Variants in GALNT13 observed in about 807,000 individuals in gnomAD.
GALNT13 encodes polypeptide N-acetylgalactosaminyltransferase 13.
In GALNT13, 28 loss-of-function variants were observed where a neutral mutation model predicts 64.2. The ratio of observed to expected loss-of-function variants is 0.44; its 90% CI spans 0.32 to 0.60. GALNT13 has a LOEUF of 0.60. Among genes scored for constraint, GALNT13 ranks in the 20% least tolerant of loss-of-function variants. The pLI is 0.05. For synonymous variants in GALNT13, 214 were observed against 224.6 expected (o/e 0.95, Z 0.42); for missense variants, 577 against 669.8 (o/e 0.86, Z 1.53).
chr2:153,260,597 G>A, the GALNT13 span, among the ~76,000 whole-genome samples: 1 of 152,056 alleles, frequency 6.6e-6, no homozygotes, highest in Non-Finnish European at 1.5e-5. Flanking sequence ...TGTGTTATTT[G>A]TTTGTTTTTC....
chr2:154,311,350 T>A (rs1559083679), intron 9 of GALNT13, among the ~76,000 whole-genome samples: 1 of 152,080 alleles, frequency 6.6e-6, no homozygotes, highest in African/African-American at 2.4e-5. Flanking sequence ...AGAGAAATTT[T>A]AAAGCTGGGC....
chr2:154,064,491 G>A lies in GALNT13; in HGVS notation c.143-75846G>A, dbSNP rs575472679. ...GGCTTATTTCTTCTGCTTAAGGAGA[G>A]GAGAGGGAAGAGTAAAGAGTACTTT... On this transcript the variant is annotated intron_variant, in intron 3 of 12. Coordinates refer to ENST00000392825, the MANE Select transcript of GALNT13 (RefSeq NM_052917.4). Among the ~76,000 whole-genome samples, 91 of 152,116 alleles carry A rather than the reference G, an allele frequency of 6.0e-4. 2 individuals carry two copies. The highest frequency in any genetic ancestry group is 1.1e-3 in the Non-Finnish European group (77 of 68,022).
At chr2:153,876,154 A>T (rs1686352914) in intron 1 of GALNT13, among the ~76,000 whole-genome samples, 1 of 151,834 alleles carries the variant, frequency 6.6e-6, no homozygotes, top group Admixed American at 6.6e-5. Flanking sequence ...ACTCATATTT[A>T]TTCTGACAAC....
chr2:154,436,598 C>T (rs901029643), intron 11 of GALNT13: 7 of 152,158 alleles, frequency 4.6e-5, no homozygotes, highest in Admixed American at 3.9e-4. Context: ...CTTCTCTCAG[C>T]TTAAGATTCT....
the GALNT13 span, among the ~76,000 whole-genome samples, chr2:153,721,171 A>G: frequency 6.7e-6 from 1 of 148,384 alleles, no homozygotes; most frequent in Non-Finnish European, 1.5e-5. Flanking sequence ...ATTCTTAAAG[A>G]AAAGAATTTT....
At chr2:154,153,558 C>A (rs12623985) in intron 4 of GALNT13, among the ~76,000 whole-genome samples, 24,786 of 152,160 alleles carry the variant, frequency 0.16, 3,713 homozygotes, top group East Asian at 0.74. Context: ...GGCAGGCAGG[C>A]CTCCTTGAGC....
intron 8 of GALNT13, among the ~76,000 whole-genome samples, chr2:154,285,608 G>T (rs1692220036): frequency 6.6e-6 from 1 of 151,896 alleles, no homozygotes; most frequent in Non-Finnish European, 1.5e-5. Context: ...ATGCTTTTTT[G>T]ATTTATAATA....
intron 3 of GALNT13, among the ~76,000 whole-genome samples, chr2:153,992,023 A>T (rs911462476): frequency 1.3e-5 from 2 of 152,190 alleles, no homozygotes; most frequent in African/African-American, 4.8e-5. Flanking sequence ...AAAATGAAAC[A>T]TTAATCTGAT....
rs1574323612 is a variant in GALNT13 at position 154,444,796 on chromosome 2, A to G, written c.1531-5615A>G. On this transcript the variant is annotated intron_variant, in intron 12 of 12. Transcript: ENST00000392825. ...ATACAATATATTTTTGTTATTTGCAATAGCTCCAAATTGGAAAGATATTCC... is the reference window on the plus strand; with the variant it reads ...ATACAATATATTTTTGTTATTTGCAGTAGCTCCAAATTGGAAAGATATTCC... Among the ~76,000 whole-genome samples the G allele has an allele frequency of 3.3e-5, 5 of 152,200 alleles. No homozygotes were observed. In the East Asian group the frequency reaches 7.7e-4, roughly 24 times the overall value.
At chr2:153,594,308 G>T in the GALNT13 span, among the ~76,000 whole-genome samples, 6 of 152,068 alleles carry the variant, frequency 3.9e-5, no homozygotes, top group African/African-American at 1.4e-4. Context: ...ACCAAAGAAG[G>T]TTTACATTTT....
At chr2:154,018,760 AAG>A (rs1015722026) in intron 3 of GALNT13, among the ~76,000 whole-genome samples, 61 of 151,372 alleles carry the variant, frequency 4.0e-4, no homozygotes, top group African/African-American at 1.4e-3. Flanking sequence ...ATGAGGGAGA[AAG>A]AGAATGAGAG....
At chr2:153,627,851 T>C in the GALNT13 span, among the ~76,000 whole-genome samples, 1 of 152,070 alleles carries the variant, frequency 6.6e-6, no homozygotes. Flanking sequence ...TTTGGTTCCA[T>C]ATGAACTTTA....
At chr2:154,078,482 A>G (rs1410738076) in intron 3 of GALNT13, among the ~76,000 whole-genome samples, 1 of 151,622 alleles carries the variant, frequency 6.6e-6, no homozygotes, top group Non-Finnish European at 1.5e-5. Context: ...GGATCCAATT[A>G]GAGTGAATTT....
chr2:154,240,878 G>A (rs1246977125), intron 4 of GALNT13, among the ~76,000 whole-genome samples: 5 of 152,098 alleles, frequency 3.3e-5, no homozygotes, highest in Non-Finnish European at 7.3e-5. Flanking sequence ...CAGCAGATGG[G>A]GGAAGCCAGA....
chr2:153,710,624 T>C, the GALNT13 span, among the ~76,000 whole-genome samples: 3 of 152,104 alleles, frequency 2.0e-5, no homozygotes, highest in Non-Finnish European at 2.9e-5. Flanking sequence ...CCTATTAGAA[T>C]ATAGCTCCTA....
chr2:153,197,517 AAT>A, the GALNT13 span, among the ~76,000 whole-genome samples: 1 of 152,180 alleles, frequency 6.6e-6, no homozygotes, highest in Non-Finnish European at 1.5e-5. Flanking sequence ...ACAATTCCTG[AAT>A]ATGTTTGTGC....
rs1321800705 is a variant in GALNT13 at position 154,129,624 on chromosome 2, T to C, written c.143-10713T>C. On this transcript the variant is annotated intron_variant, in intron 3 of 12. Transcript: ENST00000392825. ...AAATGAAACACTTTTATTTTATTTT[T>C]ATATCCTTATATATTATATATAATA... Among the ~76,000 whole-genome samples, 6 of 151,992 alleles carry C rather than the reference T, an allele frequency of 3.9e-5. No individual in the cohort carries two copies. The East Asian group carries it at 1.2e-3, about 29-fold the overall frequency.
chr2:153,330,741 C>T, the GALNT13 span, among the ~76,000 whole-genome samples: 4 of 152,018 alleles, frequency 2.6e-5, no homozygotes, highest in Non-Finnish European at 5.9e-5. Context: ...TGTTTGACAT[C>T]TTCATTTCCC....
At chr2:153,415,850 T>C in the GALNT13 span, among the ~76,000 whole-genome samples, 1 of 152,202 alleles carries the variant, frequency 6.6e-6, no homozygotes, top group East Asian at 1.9e-4. Flanking sequence ...TAAGCTAGTT[T>C]TAAAATGAAC....
Sources: allele counts gnomAD v4.1 joint callset (sites outside exome capture counted in the v4.1 genomes callset), GRCh38; gene constraint gnomAD v4.1.1; transcripts MANE v1.5; gene names NCBI Gene and HGNC (gene_info 2026-07-23, HGNC 2026-07-21).